The following MAPK8IP3 variants were observed in gnomAD, a reference collection of about 807,000 sequenced individuals.
The protein encoded by MAPK8IP3 is C-Jun-amino-terminal kinase-interacting protein 3.
A neutral mutation model predicts 157.8 loss-of-function variants in MAPK8IP3; 49 were observed. The observed-to-expected ratio is 0.31, with a 90% CI of 0.25 to 0.39. The LOEUF (loss-of-function observed/expected upper bound fraction) is 0.39. Ranked by LOEUF, MAPK8IP3 falls within the 10% of genes least tolerant of loss-of-function variation. MAPK8IP3 has a pLI of 1.00. For missense variants in MAPK8IP3, 1,478 were observed against 1,889.4 expected (o/e 0.78, Z 4.04); for synonymous variants, 897 against 777.7 (o/e 1.15, Z -2.55).
Position 1,767,794 on chromosome 16 carries a change from C to T in MAPK8IP3, c.3410-11C>T, listed in dbSNP as rs757459221. On this transcript the variant is annotated splice_polypyrimidine_tract_variant and intron_variant, in intron 27 of 31. Coordinates refer to ENST00000610761, the MANE Select transcript of MAPK8IP3 (RefSeq NM_001318852.2). ...CTCAAGGCCAGCCACCCTGACCGCT[C>T]TCCCCCACAGGCACTGGCAAGCTGG... 1.2e-6 allele frequency: 2 copies of T among 1,611,496 alleles called. No homozygotes were observed. Among genetic ancestry groups the T allele is most frequent in the South Asian group, 1.1e-5 (1 of 91,074 alleles).
At chr16:1,713,543 G>A (rs2037933746) in intron 1 of MAPK8IP3, 1 of 152,250 alleles carries the variant, frequency 6.6e-6, no homozygotes, top group Non-Finnish European at 1.5e-5. Context: ...TTTGTTTCCT[G>A]TTTAATGAAC....
At chr16:1,709,462 G>A (rs2037616271) in intron 1 of MAPK8IP3, among the ~76,000 whole-genome samples, 3 of 152,244 alleles carry the variant, frequency 2.0e-5, no homozygotes, top group African/African-American at 7.2e-5. Context: ...TGGTTGCCTG[G>A]AGAATTGTGG....
At position 1,766,040 on chromosome 16, in the gene MAPK8IP3, G is replaced by A. The variant is rs764582997; in HGVS notation, c.2527G>A (p.Val843Met). ...VNPEDPGADG[V>M]LAGITLVGCA... ...CCCAGAGGACCCGGGCGCAGATGGC[G>A]TGCTGGCCGGTATCACCCTGGTGGG... is the stretch of plus-strand genomic sequence containing the variant. The change falls in exon 21 of 32, where the codon GTG (valine) becomes ATG (methionine). Residue 843 changes from valine (V) to methionine (M), a missense_variant. By Grantham distance (21) the Val-to-Met change is conservative (BLOSUM62 1). This residue lies in a region of MAPK8IP3 where 669 missense variants were observed against 759.8 expected (regional missense o/e 0.88). Coordinates refer to ENST00000610761, the MANE Select transcript of MAPK8IP3 (RefSeq NM_001318852.2). 4.0e-5 allele frequency: 64 copies of A among 1,612,832 alleles called. No individual in the cohort carries two copies. The highest frequency in any genetic ancestry group is 8.0e-5 in the African/African-American group (6 of 75,060).
intron 4 of MAPK8IP3, among the ~76,000 whole-genome samples, chr16:1,735,627 G>C (rs1443914158): frequency 1.4e-5 from 2 of 144,436 alleles, no homozygotes; most frequent in African/African-American, 2.7e-5. Context: ...GTGAGCATCC[G>C]TGTGACTGTC....
chr16:1,709,425 C>T (rs2037612969), intron 1 of MAPK8IP3, among the ~76,000 whole-genome samples: 2 of 152,234 alleles, frequency 1.3e-5, no homozygotes. Flanking sequence ...AGTTTCATCT[C>T]AAGATCCAAG....
chr16:1,734,932 G>A (rs1227868511), intron 4 of MAPK8IP3: 8 of 154,674 alleles, frequency 5.2e-5, no homozygotes, highest in Admixed American at 1.3e-4. Flanking sequence ...CAGTGTTCTC[G>A]GGCCACTGCT....
In MAPK8IP3 at chr16:1,760,387, T is replaced by C. The variant is rs752867023; in HGVS notation, c.1312T>C (p.Leu438=). 18 of 1,611,610 alleles carry C rather than the reference T, an allele frequency of 1.1e-5. No individual in the cohort carries two copies. The highest frequency in any genetic ancestry group is 1.5e-5 in the Non-Finnish European group (18 of 1,178,342). Residue 438 remains leucine, a synonymous_variant, in exon 12 of 32, where the codon TTG becomes CTG. Transcript: ENST00000610761. ...CTTTCTGCTTTTTCAAAGAAACGCC[T>C]TGAATGTGGTGAAGAATGACCTGAT... ...NSQLLETKNA[L]NVVKNDLIAK...
chr16:1,719,624 G>T (rs2142310507), intron 1 of MAPK8IP3, among the ~76,000 whole-genome samples: 1 of 140,686 alleles, frequency 7.1e-6, no homozygotes, highest in South Asian at 2.3e-4. Context: ...TTGAGCCCAG[G>T]AGTTTGAGAT....
intron 2 of MAPK8IP3, among the ~76,000 whole-genome samples, chr16:1,728,369 T>C (rs983373832): frequency 6.6e-6 from 1 of 152,208 alleles, no homozygotes; most frequent in Non-Finnish European, 1.5e-5. Context: ...CTTTGACGTG[T>C]CCAGGAGGTT....
In MAPK8IP3 at chr16:1,724,074, C is replaced by T. The variant is rs118185480; in HGVS notation, c.319-483C>T. Among the ~76,000 whole-genome samples the T allele has an allele frequency of 6.6e-6, 1 of 152,266 alleles. No homozygotes were observed. The highest frequency in any genetic ancestry group is 1.5e-5 in the Non-Finnish European group (1 of 68,032). ...TCTTAGGCGTGGAGTTGAGGGGAGT[C>T]AGATGACTCCATTGCAAACAGGACT... On this transcript the variant is annotated intron_variant, in intron 1 of 31. Transcript: ENST00000610761. This position sits in a 1 kb window ranked among gnomAD's most constrained non-coding sequence, Gnocchi z 4.1.
intron 17 of MAPK8IP3, 139 bp downstream of exon 17, chr16:1,763,922 A>T (rs1053744035): frequency 9.3e-7 from 1 of 1,076,366 alleles, no homozygotes; most frequent in Admixed American, 3.0e-5. Flanking sequence ...GGGGCCTGGC[A>T]GGTTCCTAGT....
chr16:1,740,040 G>A lies in MAPK8IP3; in HGVS notation c.603-3292G>A, dbSNP rs550563003. 6.3e-5 allele frequency among the ~76,000 whole-genome samples: 8 copies of A among 127,252 alleles called. No homozygotes were observed. In the East Asian group the frequency reaches 7.6e-4, roughly 12 times the overall value. 83.5% of individuals were successfully genotyped at this position (127,252 alleles called of 152,430 possible). A position where few individuals can be genotyped will look rare whatever the true frequency, so the allele number is the denominator to read the frequency against. ...CGTGTGAGCATCCGTGTGACCGTCC[G>A]TGTGAGCATCCGTGTGACTGTCCGT... On this transcript the variant is annotated intron_variant, in intron 4 of 31. Transcript: ENST00000610761.
chr16:1,711,489 G>A (rs2037766385), intron 1 of MAPK8IP3, among the ~76,000 whole-genome samples: 1 of 152,214 alleles, frequency 6.6e-6, no homozygotes, highest in Admixed American at 6.5e-5. Flanking sequence ...CATCAGGTGA[G>A]GGGCACAAGA....
chr16:1,720,791 T>G (rs1054301654), intron 1 of MAPK8IP3, among the ~76,000 whole-genome samples: 18 of 152,184 alleles, frequency 1.2e-4, no homozygotes, highest in Non-Finnish European at 1.2e-4. Context: ...TCCCAGCACT[T>G]TGGGAGGCAG....
At chr16:1,736,707 CGT>C (rs1439413030) in intron 4 of MAPK8IP3, among the ~76,000 whole-genome samples, 2 of 53,958 alleles carry the variant, frequency 3.7e-5, no homozygotes, top group Admixed American at 3.3e-4. Context: ...TGTGAGCGTC[CGT>C]GTGAGCGTGT....
chr16:1,726,352 CT>C (rs1200791798), intron 2 of MAPK8IP3, among the ~76,000 whole-genome samples: 1 of 152,212 alleles, frequency 6.6e-6, no homozygotes. Context: ...TCTCAGCTCT[CT>C]TCTTAGAAGG....
At chr16:1,758,833 G>C in intron 9 of MAPK8IP3, 145 bp from the exon 10 acceptor site, 1 of 776,540 alleles carries the variant, frequency 1.3e-6, no homozygotes, top group Non-Finnish European at 2.2e-6. Flanking sequence ...ACTCCCTCCT[G>C]CACCCACCCT....
In MAPK8IP3 at chr16:1,743,832, A is replaced by C. The variant is rs1596689015; in HGVS notation, c.747+356A>C. ...CACCCCCACATAAAGCCTCATGCTC[A>C]CCCGGGCTCCAGCCAGACACATCCT... On this transcript the variant is annotated intron_variant, in intron 5 of 31. Transcript: ENST00000610761. The surrounding 1 kb of genome is among the most constrained non-coding windows in gnomAD (Gnocchi z 5.6). 1 of 1,128,802 alleles carries C rather than the reference A, an allele frequency of 8.9e-7. No individual in the cohort carries two copies. Among genetic ancestry groups the C allele is most frequent in the Non-Finnish European group, 1.1e-6 (1 of 919,430 alleles). The allele number at this position is 1,128,802 out of a possible 1,614,324, so 69.9% of individuals were successfully genotyped here. A position where few individuals can be genotyped will look rare whatever the true frequency, so the allele number is the denominator to read the frequency against.
At position 1,741,717 on chromosome 16, in the gene MAPK8IP3, C is replaced by G. The variant is rs556848948; in HGVS notation, c.603-1615C>G. Among the ~76,000 whole-genome samples, 7 of 152,254 alleles carry G rather than the reference C, an allele frequency of 4.6e-5. No individual in the cohort carries two copies. In the East Asian group the frequency reaches 1.4e-3, roughly 29 times the overall value. Reference sequence around the variant, plus strand: ...CCTGGGCCTGGTGGCTGGCTGCCTTCACGGTGGCCAGGGAACCTCATGGCT... The same window carrying G: ...CCTGGGCCTGGTGGCTGGCTGCCTTGACGGTGGCCAGGGAACCTCATGGCT... On this transcript the variant is annotated intron_variant, in intron 4 of 31. Coordinates refer to ENST00000610761, the MANE Select transcript of MAPK8IP3 (RefSeq NM_001318852.2). This position sits in a 1 kb window ranked among gnomAD's most constrained non-coding sequence, Gnocchi z 6.9.
Sources: gnomAD v4.1 joint callset for allele counts (sites outside exome capture counted in the v4.1 genomes callset) on GRCh38, gnomAD v4.1.1 for gene constraint, gnomAD v4.1.1 regional missense constraint, Gnocchi (gnomAD v3.1) non-coding constraint, MANE v1.5 for transcripts, NCBI Gene and HGNC (gene_info 2026-07-23, HGNC 2026-07-21) for gene names.